C19orf47: variants seen among roughly 807,000 people sequenced by gnomAD.
C19orf47 encodes chromosome 19 open reading frame 47, also known as uncharacterized protein C19orf47.
C19orf47 carries 18 observed loss-of-function variants against 32.3 expected under a neutral mutation model. That is an observed-to-expected ratio of 0.56 (90% CI 0.39 to 0.83). The LOEUF (loss-of-function observed/expected upper bound fraction) is 0.83, where lower values mean the gene tolerates loss of function less well. Among genes scored for constraint, C19orf47 ranks in the 40% least tolerant of loss-of-function variants. C19orf47 has a pLI of 0.00. For synonymous variants in C19orf47, 202 were observed against 211.1 expected, an observed-to-expected ratio of 0.96 and a Z score of 0.37; for missense variants, 484 against 531.6, an observed-to-expected ratio of 0.91 and a Z score of 0.88.
rs375782762 is a variant in C19orf47, at chr19:40,322,368, T to C, written c.672A>G (p.Gly224=). Residue 224 remains glycine, a synonymous_variant, in exon 9 of 9, where the codon GGA becomes GGG. Transcript: ENST00000683109. The part of the protein sequence containing the change: ...ADTTTGSKPT[G]VFSRLGATPE... The stretch of plus-strand genomic sequence containing the variant: ...GGGTGGCCCCCAGGCGGCTGAAGAC[T>C]CCTGTGGGCTGTGGAGGTCAGAGAC... 1.6e-5 allele frequency: 25 copies of C among 1,581,676 alleles called. No individual in the cohort carries two copies. The African/African-American group carries it at 3.1e-4, about 20-fold the overall frequency.
At chr19:40,343,229 C>CCCCG (rs1284830193) in intron 1 of C19orf47, among the ~76,000 whole-genome samples, 1 of 152,106 alleles carries the variant, frequency 6.6e-6, no homozygotes, top group Admixed American at 6.6e-5. Flanking sequence ...CCTCCCTCAC[C>CCCCG]CCCGCATGGG....
the C19orf47 span, among the ~76,000 whole-genome samples, chr19:40,296,789 C>A: frequency 6.6e-6 from 1 of 151,964 alleles, no homozygotes; most frequent in African/African-American, 2.4e-5. Context: ...TGGCGGGCAT[C>A]TGTAATCCCA....
chr19:40,321,288 G>A lies in C19orf47; in HGVS notation c.*594C>T. On this transcript the variant is annotated 3_prime_UTR_variant, in exon 9 of 9. Transcript: ENST00000683109. ...CAACAGGCTCGACGCCACCGCCGAC[G>A]AGGGGGCCGCTGGGAGGCCGGAGGT... 2.0e-6 allele frequency: 2 copies of A among 986,596 alleles called. No homozygotes were observed. The highest frequency in any genetic ancestry group is 2.4e-6 in the Non-Finnish European group (2 of 830,208). The allele number at this position is 986,596 out of a possible 1,614,324, so 61.1% of individuals were successfully genotyped here.
downstream of C19orf47, among the ~76,000 whole-genome samples, chr19:40,317,142 T>C (rs1331282237): frequency 6.6e-6 from 1 of 152,128 alleles, no homozygotes; most frequent in African/African-American, 2.4e-5. Flanking sequence ...ACAAGAGTCT[T>C]GCTCTGTTGC....
the C19orf47 span, among the ~76,000 whole-genome samples, chr19:40,313,930 CA>C: frequency 1.5e-3 from 188 of 128,258 alleles, no homozygotes; most frequent in Non-Finnish European, 1.2e-3. Context: ...GACTCTGTCT[CA>C]AAAAAAAAAA....
intron 6 of C19orf47, 109 bp downstream of exon 6, chr19:40,328,304 C>A: frequency 6.8e-7 from 1 of 1,477,476 alleles, no homozygotes; most frequent in Non-Finnish European, 9.1e-7. Flanking sequence ...GTTTTGTATA[C>A]CTTGTGGCCT....
rs755871542 is a variant in C19orf47, at chr19:40,328,458, C to A, written c.394G>T (p.Val132Phe). ...GCTGCCATCTTGTTGGACACAGTGA[C>A]CGAGATCTTGGAGGTGCTGGTGTCC... The part of the protein sequence containing the change: ...RPDTSTSKIS[V>F]TVSNKMAAKS... Residue 132 changes from valine to phenylalanine, a missense_variant, in exon 6 of 9, where the codon GTC becomes TTC. Coordinates refer to ENST00000683109, the MANE Select transcript of C19orf47 (RefSeq NM_001256441.2). 2 of 1,612,738 alleles carry A rather than the reference C, an allele frequency of 1.2e-6. No homozygotes were observed. The highest frequency in any genetic ancestry group is 2.2e-5 in the South Asian group (2 of 90,868).
At position 40,348,361 on chromosome 19, in the gene C19orf47, CCT is replaced by C; in HGVS notation, c.-73_-72del. The C allele has an allele frequency of 7.1e-7, 1 of 1,400,440 alleles. No homozygotes were observed. The highest frequency in any genetic ancestry group is 9.3e-7 in the Non-Finnish European group (1 of 1,076,854). 86.8% of individuals were successfully genotyped at this position (1,400,440 alleles called of 1,614,324 possible). ...GCCCGCGCCCACTCGCGCCGCCCGC[CCT>C]CCCTCCCGGCGGCGCCAACTGTCAG... On this transcript the variant is annotated 5_prime_UTR_variant, in exon 1 of 9. Coordinates refer to ENST00000683109, the MANE Select transcript of C19orf47 (RefSeq NM_001256441.2).
chr19:40,341,893 G>C lies in C19orf47; in HGVS notation c.-33-3C>G. On this transcript the variant is annotated splice_polypyrimidine_tract_variant and splice_region_variant and intron_variant, in intron 1 of 8. Coordinates refer to ENST00000683109, the MANE Select transcript of C19orf47 (RefSeq NM_001256441.2). ...GCCCTGACACTGCTCCCTGGAGCCT[G>C]AAAGAGAAGAGAGGAGAGAGCCCAT... 6.5e-7 allele frequency: 1 copy of C among 1,536,226 alleles called. No homozygotes were observed. Among genetic ancestry groups the C allele is most frequent in the African/African-American group, 1.4e-5 (1 of 73,176 alleles).
At chr19:40,307,377 G>A in the C19orf47 span, among the ~76,000 whole-genome samples, 1 of 151,996 alleles carries the variant, frequency 6.6e-6, no homozygotes, top group African/African-American at 2.4e-5. Flanking sequence ...TTACAGGCAT[G>A]AGCCACCATA....
chr19:40,347,595 A>G (rs949659041), intron 1 of C19orf47, among the ~76,000 whole-genome samples: 7 of 152,136 alleles, frequency 4.6e-5, no homozygotes, highest in African/African-American at 1.2e-4. Flanking sequence ...CTTACTGGGG[A>G]AAAAAATGCA....
chr19:40,332,357 G>GAA (rs113904450), intron 5 of C19orf47, among the ~76,000 whole-genome samples: 3 of 137,552 alleles, frequency 2.2e-5, no homozygotes, highest in Non-Finnish European at 4.7e-5. Flanking sequence ...TATCTCAAGG[G>GAA]AAAAAAAAAA....
At chr19:40,312,149 C>G in the C19orf47 span, among the ~76,000 whole-genome samples, 1 of 152,200 alleles carries the variant, frequency 6.6e-6, no homozygotes, top group Admixed American at 6.5e-5. Context: ...GAGATGTTGA[C>G]TTCCTCTTAC....
intron 1 of C19orf47, among the ~76,000 whole-genome samples, chr19:40,344,635 A>C (rs2078238708): frequency 6.6e-6 from 1 of 152,212 alleles, no homozygotes; most frequent in Admixed American, 6.5e-5. Context: ...CCAACAGCTC[A>C]GCAAGTGAGG....
downstream of C19orf47, among the ~76,000 whole-genome samples, chr19:40,314,703 C>T (rs1487340279): frequency 6.6e-6 from 1 of 152,170 alleles, no homozygotes; most frequent in African/African-American, 2.4e-5. Flanking sequence ...CATAAACCCC[C>T]CAACTCCTTA....
chr19:40,335,107 G>A (rs1355369061), intron 4 of C19orf47, among the ~76,000 whole-genome samples: 2 of 151,978 alleles, frequency 1.3e-5, no homozygotes, highest in African/African-American at 2.4e-5. Context: ...GCAAGTGCTT[G>A]GTAAGTGTTA....
chr19:40,314,911 C>T (rs1210532295), downstream of C19orf47, among the ~76,000 whole-genome samples: 1 of 152,126 alleles, frequency 6.6e-6, no homozygotes, highest in East Asian at 1.9e-4. Flanking sequence ...CCAAAAAACA[C>T]GTAACTCCAG....
At position 40,322,325 on chromosome 19, in the gene C19orf47, G is replaced by T. The variant is rs771310023; in HGVS notation, c.715C>A (p.Leu239Met). ...LGATPETDEDLAWDSDNDSSS... is the reference protein window; with the variant it reads ...LGATPETDEDMAWDSDNDSSS... Reference sequence around the variant, plus strand: ...CTGTCATTGTCGCTGTCCCAAGCCAGATCCTCGTCCGTTTCTGGGGTGGCC... The same window carrying T: ...CTGTCATTGTCGCTGTCCCAAGCCATATCCTCGTCCGTTTCTGGGGTGGCC... Residue 239 changes from leucine (L) to methionine (M), a missense_variant, in exon 9 of 9, where the codon CTG becomes ATG. By Grantham distance (15) the Leu-to-Met change is conservative (BLOSUM62 2). Transcript: ENST00000683109. 6.2e-7 allele frequency: 1 copy of T among 1,604,646 alleles called. No homozygotes were observed. Among genetic ancestry groups the T allele is most frequent in the East Asian group, 2.2e-5 (1 of 44,706 alleles).
chr19:40,324,194 T>G, intron 7 of C19orf47, 118 bp from the exon 8 acceptor site: 1 of 958,194 alleles, frequency 1.0e-6, no homozygotes, highest in Non-Finnish European at 1.7e-6. Flanking sequence ...AGGGCCAGAC[T>G]GTGCTGAGTT....
Sources: allele counts gnomAD v4.1 joint callset (sites outside exome capture counted in the v4.1 genomes callset), GRCh38; gene constraint gnomAD v4.1.1; transcripts MANE v1.5; gene names NCBI Gene and HGNC (gene_info 2026-07-23, HGNC 2026-07-21).